The following DLGAP1 variants were observed in gnomAD, a reference collection of about 807,000 sequenced individuals.
The protein encoded by DLGAP1 is disks large-associated protein 1.
A neutral mutation model predicts 90.8 loss-of-function variants in DLGAP1; 11 were observed. The ratio of observed to expected loss-of-function variants is 0.12; its 90% CI spans 0.08 to 0.20. The LOEUF (loss-of-function observed/expected upper bound fraction) is 0.20. Ranked by LOEUF, DLGAP1 falls within the 10% of genes least tolerant of loss-of-function variation. DLGAP1 has a pLI of 1.00. For synonymous variants in DLGAP1, 558 were observed against 540.7 expected, an observed-to-expected ratio of 1.03 and a Z score of -0.44; for missense variants, 1,050 against 1,333.8, an observed-to-expected ratio of 0.79 and a Z score of 3.31.
intron 1 of DLGAP1, among the ~76,000 whole-genome samples, chr18:4,438,416 A>G (rs1189873968): frequency 8.3e-6 from 1 of 120,598 alleles, no homozygotes; most frequent in Non-Finnish European, 1.6e-5. Flanking sequence ...TGGGTGACAG[A>G]GCGAGACTCC....
chr18:3,790,113 T>C (rs1182144331), intron 5 of DLGAP1, among the ~76,000 whole-genome samples: 2 of 152,104 alleles, frequency 1.3e-5, no homozygotes, highest in Non-Finnish European at 2.9e-5. Flanking sequence ...AGTGGAAAAT[T>C]GTAAAATTCT....
At chr18:3,835,303 T>C (rs1258152802) in intron 4 of DLGAP1, among the ~76,000 whole-genome samples, 1 of 152,188 alleles carries the variant, frequency 6.6e-6, no homozygotes, top group Non-Finnish European at 1.5e-5. Context: ...ATATTTACCA[T>C]TTACATTATA....
intron 1 of DLGAP1, among the ~76,000 whole-genome samples, chr18:4,226,448 T>C (rs947792494): frequency 6.6e-6 from 1 of 151,906 alleles, no homozygotes; most frequent in African/African-American, 2.4e-5. Flanking sequence ...AGTAGAAAGA[T>C]TAAAAGATAA....
At chr18:3,644,571 C>G (rs980904320) in intron 7 of DLGAP1, among the ~76,000 whole-genome samples, 1 of 152,000 alleles carries the variant, frequency 6.6e-6, no homozygotes, top group African/African-American at 2.4e-5. Flanking sequence ...CCACCATTCC[C>G]GGCTAATTTT....
chr18:4,001,168 AT>A (rs1415299257), intron 3 of DLGAP1, among the ~76,000 whole-genome samples: 1 of 151,790 alleles, frequency 6.6e-6, no homozygotes, highest in Non-Finnish European at 1.5e-5. Flanking sequence ...TTCATTCACT[AT>A]TTTATTTCTT....
chr18:4,273,890 C>A (rs770699916), intron 1 of DLGAP1, among the ~76,000 whole-genome samples: 5 of 141,924 alleles, frequency 3.5e-5, no homozygotes, highest in Non-Finnish European at 7.5e-5. Flanking sequence ...AGTAATTTGT[C>A]TTCTCTCTTT....
At chr18:3,600,230 AC>A (rs1194319117) in intron 7 of DLGAP1, among the ~76,000 whole-genome samples, 9 of 152,042 alleles carry the variant, frequency 5.9e-5, no homozygotes, top group African/African-American at 2.2e-4. Flanking sequence ...CACACACTGT[AC>A]TCAGAAACAT....
intron 2 of DLGAP1, among the ~76,000 whole-genome samples, chr18:4,018,049 C>T (rs1008907233): frequency 2.6e-5 from 4 of 152,078 alleles, no homozygotes; most frequent in Non-Finnish European, 5.9e-5. Context: ...CCAAAATATC[C>T]ATTGTTTCTC....
intron 1 of DLGAP1, among the ~76,000 whole-genome samples, chr18:4,340,233 T>C (rs948179391): frequency 2.0e-5 from 3 of 152,142 alleles, no homozygotes; most frequent in African/African-American, 7.2e-5. Flanking sequence ...ATCTTGATAG[T>C]TGGTCTGATA....
At chr18:3,915,456 T>G (rs913538170) in intron 3 of DLGAP1, among the ~76,000 whole-genome samples, 1 of 152,164 alleles carries the variant, frequency 6.6e-6, no homozygotes, top group African/African-American at 2.4e-5. Flanking sequence ...GGCCCAGTTA[T>G]GACTTAGCAA....
chr18:3,771,233 G>T (rs1013778737), intron 5 of DLGAP1: 2 of 152,258 alleles, frequency 1.3e-5, no homozygotes, highest in Non-Finnish European at 2.9e-5. Flanking sequence ...ACAAGCTGCG[G>T]TCCCATGGCT....
intron 1 of DLGAP1, among the ~76,000 whole-genome samples, chr18:4,428,953 G>A (rs536850756): frequency 3.9e-5 from 6 of 152,210 alleles, no homozygotes; most frequent in South Asian, 2.1e-4. Flanking sequence ...AATGTAAGCC[G>A]GGAGAGGCCA....
At chr18:3,580,627 G>A in intron 8 of DLGAP1, 7 of 1,595,408 alleles carry the variant, frequency 4.4e-6, no homozygotes, top group Non-Finnish European at 6.0e-6. Flanking sequence ...GTGCCGGTGA[G>A]CCTTTGTCGG....
intron 1 of DLGAP1, among the ~76,000 whole-genome samples, chr18:4,243,279 G>A (rs564760059): frequency 1.1e-4 from 16 of 152,278 alleles, no homozygotes; most frequent in African/African-American, 3.6e-4. Flanking sequence ...ACAGTGCCTG[G>A]AATATAACAA....
intron 2 of DLGAP1, among the ~76,000 whole-genome samples, chr18:4,086,290 G>A (rs1227905516): frequency 6.6e-6 from 1 of 152,088 alleles, no homozygotes; most frequent in Non-Finnish European, 1.5e-5. Context: ...TGCTCCCCTC[G>A]TCTTCATTAC....
chr18:4,016,093 T>C (rs1460511606), intron 2 of DLGAP1, among the ~76,000 whole-genome samples: 1 of 152,210 alleles, frequency 6.6e-6, no homozygotes, highest in Non-Finnish European at 1.5e-5. Context: ...CTAACTACAG[T>C]TCAAGCCTTC....
In DLGAP1 at chr18:4,372,789, G is replaced by A. The variant is rs746558362; in HGVS notation, c.-267+82217C>T. 6.6e-5 allele frequency among the ~76,000 whole-genome samples: 10 copies of A among 151,970 alleles called. 1 individual carries two copies. The highest frequency in any genetic ancestry group is 2.1e-4 in the South Asian group (1 of 4,816). On this transcript the variant is annotated intron_variant, in intron 1 of 12. Coordinates refer to ENST00000315677, the MANE Select transcript of DLGAP1 (RefSeq NM_004746.4). ...TAAAAATACAAAAAATTAGCCAGGC[G>A]TGGTAGTGCACACTTCTAATCCCAG...
At chr18:3,627,348 A>C (rs2058333167) in intron 7 of DLGAP1, among the ~76,000 whole-genome samples, 1 of 152,214 alleles carries the variant, frequency 6.6e-6, no homozygotes, top group Admixed American at 6.5e-5. Flanking sequence ...CAGGGAAGGC[A>C]CTGACCGAGT....
At chr18:4,074,160 G>C (rs925416034) in intron 2 of DLGAP1, among the ~76,000 whole-genome samples, 2 of 152,124 alleles carry the variant, frequency 1.3e-5, no homozygotes, top group African/African-American at 4.8e-5. Context: ...CAATAAACTA[G>C]GAGGCGATAT....
Sources: allele counts gnomAD v4.1 joint callset (sites outside exome capture counted in the v4.1 genomes callset), GRCh38; gene constraint gnomAD v4.1.1; transcripts MANE v1.5; gene names NCBI Gene and HGNC (gene_info 2026-07-23, HGNC 2026-07-21).